Variants in CDH13 observed in about 807,000 individuals in gnomAD.
CDH13 encodes the protein cadherin-13.
In CDH13, 24 loss-of-function variants were observed where a neutral mutation model predicts 63.8. The ratio of observed to expected loss-of-function variants is 0.38; its 90% CI spans 0.27 to 0.53. The LOEUF (loss-of-function observed/expected upper bound fraction) is 0.53, where lower values mean the gene tolerates loss of function less well. Among genes scored for constraint, CDH13 ranks in the 20% least tolerant of loss-of-function variants. The pLI is 0.85. For synonymous variants in CDH13, 503 were observed against 355.3 expected, an observed-to-expected ratio of 1.42 and a Z score of -4.67; for missense variants, 1,049 against 903.1, an observed-to-expected ratio of 1.16 and a Z score of -2.07.
Position 83,007,340 on chromosome 16 carries a change from A to G in CDH13, c.158-24670A>G, listed in dbSNP as rs79634000. On this transcript the variant is annotated intron_variant, in intron 2 of 13. Coordinates refer to ENST00000567109, the MANE Select transcript of CDH13 (RefSeq NM_001257.5). The stretch of plus-strand genomic sequence containing the variant: ...ATGTAGTCTTCACTATAATCCATGA[A>G]TTATATATATTAACATGAAACCCAT... Among the ~76,000 whole-genome samples the G allele has an allele frequency of 5.0e-3, 767 of 152,304 alleles. 5 individuals carry two copies. The highest frequency in any genetic ancestry group is 7.5e-3 in the Non-Finnish European group (509 of 68,030).
chr16:82,896,406 C>A (rs1044176820), intron 2 of CDH13, among the ~76,000 whole-genome samples: 2 of 149,992 alleles, frequency 1.3e-5, no homozygotes, highest in African/African-American at 4.9e-5. Flanking sequence ...ATCCTCCCAC[C>A]TCTCATCCTC....
chr16:83,654,823 A>G (rs1912715451), intron 8 of CDH13: 1 of 151,846 alleles, frequency 6.6e-6, no homozygotes, highest in Non-Finnish European at 1.5e-5. Flanking sequence ...TTTCCCACCA[A>G]CCCTATGACT....
chr16:83,381,725 A>C (rs1415855383), intron 6 of CDH13, among the ~76,000 whole-genome samples: 1 of 152,092 alleles, frequency 6.6e-6, no homozygotes, highest in Non-Finnish European at 1.5e-5. Context: ...AGGGATTAAA[A>C]AAAAAAAAGT....
At chr16:83,193,686 C>G (rs186560304) in intron 4 of CDH13, among the ~76,000 whole-genome samples, 6 of 152,344 alleles carry the variant, frequency 3.9e-5, no homozygotes, top group African/African-American at 9.6e-5. Flanking sequence ...ATCTGCTCTT[C>G]TAACTTAAAT....
chr16:83,370,579 G>A (rs894953173), intron 6 of CDH13, among the ~76,000 whole-genome samples: 6 of 152,088 alleles, frequency 3.9e-5, no homozygotes, highest in African/African-American at 1.2e-4. Flanking sequence ...TAATAAGCAT[G>A]GTACCCTATA....
chr16:83,484,519 A>G (rs1234244615), intron 6 of CDH13, among the ~76,000 whole-genome samples: 2 of 152,258 alleles, frequency 1.3e-5, no homozygotes, highest in African/African-American at 4.8e-5. Flanking sequence ...ACCAGCAGGC[A>G]TGTTTTTGTT....
chr16:83,337,063 C>T (rs2090614162), intron 5 of CDH13, among the ~76,000 whole-genome samples: 1 of 152,196 alleles, frequency 6.6e-6, no homozygotes, highest in Admixed American at 6.5e-5. Context: ...GAAGGCCACG[C>T]AGGCTTTGTA....
In CDH13 at chr16:83,634,558, G is replaced by A. The variant is rs150789239; in HGVS notation, c.1101+31964G>A. Among the ~76,000 whole-genome samples, 318 of 152,122 alleles carry A rather than the reference G, an allele frequency of 2.1e-3. 7 individuals carry two copies. The East Asian group carries it at 0.032, about 15-fold the overall frequency. On this transcript the variant is annotated intron_variant, in intron 8 of 13. Transcript: ENST00000567109. Reference sequence around the variant, plus strand: ...TGGGACTACAGATGCCTGCCACCATGCCCAGCTAATTTTTGTATTTTTAGT... The same window carrying A: ...TGGGACTACAGATGCCTGCCACCATACCCAGCTAATTTTTGTATTTTTAGT...
intron 1 of CDH13, among the ~76,000 whole-genome samples, chr16:82,769,102 T>A (rs1186934977): frequency 3.9e-5 from 6 of 152,228 alleles, no homozygotes; most frequent in Non-Finnish European, 8.8e-5. Flanking sequence ...TTGTCTTCGA[T>A]GAGTCTAACC....
At chr16:83,743,202 C>A (rs1351607716) in intron 10 of CDH13, among the ~76,000 whole-genome samples, 1 of 151,880 alleles carries the variant, frequency 6.6e-6, no homozygotes, top group Non-Finnish European at 1.5e-5. Context: ...AGCAAGACTC[C>A]GTCTCAAAAA....
At chr16:82,845,513 C>G (rs924654825) in intron 1 of CDH13, among the ~76,000 whole-genome samples, 3 of 152,168 alleles carry the variant, frequency 2.0e-5, no homozygotes, top group Non-Finnish European at 4.4e-5. Flanking sequence ...GCATCATCCT[C>G]TATTGGGCTG....
At chr16:83,102,202 A>G (rs2034512496) in intron 3 of CDH13, among the ~76,000 whole-genome samples, 1 of 152,236 alleles carries the variant, frequency 6.6e-6, no homozygotes, top group African/African-American at 2.4e-5. Flanking sequence ...GAAGGAACAC[A>G]GTTCTGATGA....
intron 5 of CDH13, among the ~76,000 whole-genome samples, chr16:83,297,695 T>C (rs1431050608): frequency 6.6e-6 from 1 of 152,128 alleles, no homozygotes; most frequent in Admixed American, 6.5e-5. Flanking sequence ...GAGATTTCAG[T>C]GTCAGATAAG....
intron 1 of CDH13, among the ~76,000 whole-genome samples, chr16:82,707,505 C>T (rs2031585991): frequency 6.6e-6 from 1 of 152,092 alleles, no homozygotes; most frequent in South Asian, 2.1e-4. Context: ...TATTCACAGG[C>T]AAAATATTTT....
At chr16:83,433,449 C>CCAGTA (rs2072190185) in intron 6 of CDH13, among the ~76,000 whole-genome samples, 1 of 152,180 alleles carries the variant, frequency 6.6e-6, no homozygotes, top group Non-Finnish European at 1.5e-5. Flanking sequence ...TGGGAAAATG[C>CCAGTA]ATGACCAGCG....
chr16:82,907,110 C>A (rs985555591), intron 2 of CDH13, among the ~76,000 whole-genome samples: 1 of 152,138 alleles, frequency 6.6e-6, no homozygotes, highest in Non-Finnish European at 1.5e-5. Context: ...TTATTCAAGG[C>A]CTACTCCATA....
intron 2 of CDH13, among the ~76,000 whole-genome samples, chr16:82,875,979 GT>G (rs2040490853): frequency 6.6e-6 from 1 of 152,218 alleles, no homozygotes; most frequent in South Asian, 2.1e-4. Context: ...GGAGGAGCAA[GT>G]TACGTCTTAC....
At chr16:83,455,556 C>T (rs998926829) in intron 6 of CDH13, among the ~76,000 whole-genome samples, 2 of 152,174 alleles carry the variant, frequency 1.3e-5, no homozygotes, top group Non-Finnish European at 2.9e-5. Context: ...GAGCTTCAGC[C>T]ATTGCTACAC....
In CDH13 at chr16:83,469,461, G is replaced by C. The variant is rs958332114; in HGVS notation, c.782-17016G>C. Among the ~76,000 whole-genome samples, 36 of 152,138 alleles carry C rather than the reference G, an allele frequency of 2.4e-4. 1 individual carries two copies. The highest frequency in any genetic ancestry group is 3.9e-4 in the Admixed American group (6 of 15,270). On this transcript the variant is annotated intron_variant, in intron 6 of 13. Coordinates refer to ENST00000567109, the MANE Select transcript of CDH13 (RefSeq NM_001257.5). ...CATTCATACAGGAAAAACATATTGA[G>C]GCTGGCCCCACCCTATATCTCAGCG...
Sources: gnomAD v4.1 joint callset for allele counts (sites outside exome capture counted in the v4.1 genomes callset) on GRCh38, gnomAD v4.1.1 for gene constraint, MANE v1.5 for transcripts, NCBI Gene and HGNC (gene_info 2026-07-23, HGNC 2026-07-21) for gene names.